Variants in MYH16 observed in about 807,000 individuals in gnomAD.
MYH16 encodes the protein putative uncharacterized protein MYH16.
exon 33 of MYH16, chr7:99,294,102 G>A (rs934776289): frequency 2.2e-6 from 1 of 456,212 alleles, no homozygotes; most frequent in Non-Finnish European, 4.4e-6. Context: ...AGAAAAATAA[G>A]CAGAGACTCC....
chr7:99,296,267 G>C (rs1330172063), intron 33 of MYH16, among the ~76,000 whole-genome samples: 1 of 151,944 alleles, frequency 6.6e-6, no homozygotes, highest in East Asian at 1.9e-4. Flanking sequence ...TTGCCAGGGA[G>C]TTATGAGACG....
chr7:99,289,246 C>G, intron 29 of MYH16, 41 bp from the exon 11 acceptor site: 1 of 263,808 alleles, frequency 3.8e-6, no homozygotes, highest in South Asian at 3.0e-5. Context: ...TTGGCCTCCC[C>G]CACCCGCAAC....
intron 28 of MYH16, among the ~76,000 whole-genome samples, chr7:99,287,581 A>G (rs1385342737): frequency 6.8e-6 from 1 of 147,840 alleles, no homozygotes; most frequent in African/African-American, 2.5e-5. Flanking sequence ...CTTAGGGCCC[A>G]CCCTAAACCA....
At chr7:99,308,229 G>A (rs1375597931), downstream of MYH16, among the ~76,000 whole-genome samples, 7 of 143,166 alleles carry the variant, frequency 4.9e-5, no homozygotes, top group African/African-American at 1.0e-4. Context: ...CAGGAGGCAC[G>A]AGTTGCAGTG....
intron 27 of MYH16, chr7:99,286,290 C>G (rs1792276346): frequency 6.6e-6 from 1 of 152,330 alleles, no homozygotes; most frequent in African/African-American, 2.4e-5. Flanking sequence ...ATGGCATGTG[C>G]CTGTAGTTGC....
chr7:99,249,301 C>A (rs1183650565), intron 4 of MYH16, among the ~76,000 whole-genome samples: 1 of 151,876 alleles, frequency 6.6e-6, no homozygotes, highest in Non-Finnish European at 1.5e-5. Context: ...AATCCCAGGG[C>A]TTTGGGAGGC....
chr7:99,286,690 G>A (rs545780760), intron 28 of MYH16, among the ~76,000 whole-genome samples: 1 of 152,250 alleles, frequency 6.6e-6, no homozygotes, highest in East Asian at 1.9e-4. Context: ...CTGGAACAGT[G>A]GCTCACGCCT....
chr7:99,295,836 G>GAAA (rs869299904), intron 33 of MYH16, among the ~76,000 whole-genome samples: 3 of 56,778 alleles, frequency 5.3e-5, no homozygotes, highest in African/African-American at 2.3e-4. Flanking sequence ...TCATCTCTTG[G>GAAA]AAAAAAAAAA....
At chr7:99,306,148 A>C (rs1562788974) in intron 41 of MYH16, 112 bp downstream of exon 22, 1 of 152,480 alleles carries the variant, frequency 6.6e-6, no homozygotes. Flanking sequence ...ACTGGCCCTA[A>C]GATGACTCTG....
intron 3 of MYH16, among the ~76,000 whole-genome samples, chr7:99,248,002 G>A (rs1357520227): frequency 6.6e-6 from 1 of 152,244 alleles, no homozygotes; most frequent in Non-Finnish European, 1.5e-5. Flanking sequence ...TCACAAACCC[G>A]TGGGATGCCA....
intron 31 of MYH16, among the ~76,000 whole-genome samples, chr7:99,292,015 A>C (rs185255228): frequency 6.6e-6 from 1 of 152,358 alleles, no homozygotes; most frequent in East Asian, 1.9e-4. Flanking sequence ...ACAGATTATG[A>C]AGATGTCAAA....
At chr7:99,276,379 G>A (rs992604525) in intron 20 of MYH16, among the ~76,000 whole-genome samples, 1 of 152,226 alleles carries the variant, frequency 6.6e-6, no homozygotes, top group Non-Finnish European at 1.5e-5. Flanking sequence ...TGTATCTATG[G>A]TATAATGTTT....
chr7:99,311,110 GA>G (rs1446611986), downstream of MYH16: 1 of 152,074 alleles, frequency 6.6e-6, no homozygotes, highest in African/African-American at 2.4e-5. Context: ...TTAAATAAAA[GA>G]AACATTAAAA....
intron 1 of MYH16, among the ~76,000 whole-genome samples, chr7:99,241,620 C>T (rs923778338): frequency 6.6e-6 from 1 of 152,006 alleles, no homozygotes; most frequent in African/African-American, 2.4e-5. Context: ...AAACAAAAAA[C>T]AGCTTGGTTT....
intron 11 of MYH16, among the ~76,000 whole-genome samples, chr7:99,259,759 ATAT>A (rs1444798698): frequency 3.4e-5 from 5 of 148,282 alleles, no homozygotes; most frequent in South Asian, 2.1e-4. Context: ...ATATACATAC[ATAT>A]TATATATACA....
intron 36 of MYH16, 106 bp from the exon 18 acceptor site, chr7:99,299,360 T>C (rs1304986901): frequency 1.3e-5 from 2 of 152,218 alleles, no homozygotes; most frequent in African/African-American, 4.8e-5. Flanking sequence ...TTTCATGACA[T>C]GGTGCCTGTA....
chr7:99,294,656 C>T (rs1792453729), intron 33 of MYH16, among the ~76,000 whole-genome samples: 1 of 151,508 alleles, frequency 6.6e-6, no homozygotes, highest in African/African-American at 2.4e-5. Flanking sequence ...ACCTCCACCT[C>T]CTGGATTCAA....
At chr7:99,283,480 G>C in intron 23 of MYH16, 85 bp from the exon 6 acceptor site, 1 of 443,104 alleles carries the variant, frequency 2.3e-6, no homozygotes, top group South Asian at 1.6e-5. Context: ...GAGCTGCATA[G>C]CTCAGAAGCG....
chr7:99,284,642 A>T (rs1241243327), intron 25 of MYH16, among the ~76,000 whole-genome samples: 5 of 152,092 alleles, frequency 3.3e-5, no homozygotes, highest in Non-Finnish European at 5.9e-5. Context: ...ATGATGAAAC[A>T]CCTGAGGAGC....
Sources: allele counts gnomAD v4.1 joint callset (sites outside exome capture counted in the v4.1 genomes callset), GRCh38; gene constraint gnomAD v4.1.1; transcripts MANE v1.5; gene names NCBI Gene and HGNC (gene_info 2026-07-23, HGNC 2026-07-21).